The following AGTRAP variants were observed in gnomAD, a reference collection of about 807,000 sequenced individuals.
AGTRAP encodes type-1 angiotensin II receptor-associated protein.
In AGTRAP, 7 loss-of-function variants were observed where a neutral mutation model predicts 15.2. That is an observed-to-expected ratio of 0.46 (90% CI 0.26 to 0.87). AGTRAP has a LOEUF of 0.87. Ranked by LOEUF, AGTRAP falls within the 40% of genes least tolerant of loss-of-function variation. AGTRAP has a pLI of 0.15. For missense variants in AGTRAP, 187 were observed against 213.4 expected (o/e 0.88, Z 0.77); for synonymous variants, 74 against 89.6 (o/e 0.83, Z 0.98).
Position 11,750,402 on chromosome 1 carries a change from C to G in AGTRAP, c.*210C>G, listed in dbSNP as rs1364262185. ...AACTCCCTGAGGCCTCCCCTCCCTT[C>G]AGGGCACCCACTGGTTCCCAGGCTG... On this transcript the variant is annotated 3_prime_UTR_variant, in exon 5 of 5. Transcript: ENST00000314340. The G allele has an allele frequency of 1.6e-6, 1 of 622,300 alleles. No individual in the cohort carries two copies. The highest frequency in any genetic ancestry group is 2.9e-6 in the Non-Finnish European group (1 of 346,226). 38.5% of individuals were successfully genotyped at this position (622,300 alleles called of 1,614,324 possible). A position where few individuals can be genotyped will look rare whatever the true frequency, so the allele number is the denominator to read the frequency against.
chr1:11,749,281 AG>A (rs2100781495), intron 4 of AGTRAP, among the ~76,000 whole-genome samples: 1 of 152,160 alleles, frequency 6.6e-6, no homozygotes, highest in South Asian at 2.1e-4. Context: ...AGAGGAGTGG[AG>A]GGAGGTGGTA....
chr1:11,742,579 G>A lies in AGTRAP; in HGVS notation c.28-3224G>A, dbSNP rs559866739. ...AGGATCTTGCTCTGTCCCCCAGGCT[G>A]TAGTGCAGTGGCATGATCTTGGCTC... is the stretch of plus-strand genomic sequence containing the variant. On this transcript the variant is annotated intron_variant, in intron 1 of 4. Transcript: ENST00000314340. 4.6e-5 allele frequency among the ~76,000 whole-genome samples: 7 copies of A among 151,496 alleles called. No homozygotes were observed. In the East Asian group the frequency reaches 1.2e-3, roughly 25 times the overall value.
Position 11,736,169 on chromosome 1 carries a change from C to T in AGTRAP, c.-40C>T, listed in dbSNP as rs571473443. 36 of 1,587,994 alleles carry T rather than the reference C, an allele frequency of 2.3e-5. No homozygotes were observed. In the South Asian group the frequency reaches 2.5e-4, roughly 11 times the overall value. ...TCCCCGAGTTCGGAGCCTAGGAGCC[C>T]CCCGCGGCTGCGGCGCAGGTGCCCT... On this transcript the variant is annotated 5_prime_UTR_variant, in exon 1 of 5. Transcript: ENST00000314340.
chr1:11,741,075 T>TC (rs148363502), intron 1 of AGTRAP, among the ~76,000 whole-genome samples: 110 of 146,312 alleles, frequency 7.5e-4, no homozygotes, highest in African/African-American at 2.7e-3. Flanking sequence ...TGTCCCTCCC[T>TC]CCTCCACTCC....
intron 2 of AGTRAP, among the ~76,000 whole-genome samples, chr1:11,746,913 G>T (rs118165546): frequency 6.6e-6 from 1 of 152,138 alleles, no homozygotes; most frequent in African/African-American, 2.4e-5. Context: ...ACTTAGCACC[G>T]GTGGGCAAGG....
At chr1:11,736,274 G>C in intron 1 of AGTRAP, 39 bp downstream of exon 1, 2 of 1,597,096 alleles carry the variant, frequency 1.3e-6, no homozygotes, top group East Asian at 4.5e-5. Context: ...TTTGCGGGAG[G>C]AAGTGGGACA....
rs1642144579 is a variant in AGTRAP, at chr1:11,745,715, G to A, written c.28-88G>A. On this transcript the variant is annotated intron_variant, in intron 1 of 4. Transcript: ENST00000314340. This position sits in a 1 kb window ranked among gnomAD's most constrained non-coding sequence, Gnocchi z 4.2. ...GCCCTCAGAGGTGCCAGGCGCAGGGGCGTCCTGTGTTTTCTGCACCCGACG... is the reference window on the plus strand; with the variant it reads ...GCCCTCAGAGGTGCCAGGCGCAGGGACGTCCTGTGTTTTCTGCACCCGACG... 1.4e-6 allele frequency: 2 copies of A among 1,424,870 alleles called. No individual in the cohort carries two copies. Among genetic ancestry groups the A allele is most frequent in the Admixed American group, 1.7e-5 (1 of 59,692 alleles). 88.3% of individuals were successfully genotyped at this position (1,424,870 alleles called of 1,614,324 possible).
At chr1:11,746,700 G>A (rs1344872640) in intron 2 of AGTRAP, 1 of 161,446 alleles carries the variant, frequency 6.2e-6, no homozygotes, top group East Asian at 1.8e-4. Flanking sequence ...TAAAGTGAGG[G>A]TAACAATAAT....
intron 1 of AGTRAP, among the ~76,000 whole-genome samples, chr1:11,740,934 G>A (rs902666336): frequency 5.3e-5 from 8 of 152,070 alleles, no homozygotes; most frequent in Admixed American, 3.9e-4. Context: ...CTGACTCTGC[G>A]GTGTGGCCCT....
At chr1:11,744,217 G>T (rs1642104961) in intron 1 of AGTRAP, among the ~76,000 whole-genome samples, 1 of 152,194 alleles carries the variant, frequency 6.6e-6, no homozygotes, top group Non-Finnish European at 1.5e-5. Context: ...TGAGGCTGCA[G>T]TGAGCTGTGA....
intron 1 of AGTRAP, chr1:11,744,566 C>T (rs1490038568): frequency 2.8e-6 from 2 of 716,824 alleles, no homozygotes; most frequent in Non-Finnish European, 5.2e-6. Context: ...AAATCACCCT[C>T]ACGTGAGTCC....
chr1:11,744,429 C>T (rs542379709), intron 1 of AGTRAP: 48 of 644,534 alleles, frequency 7.4e-5, no homozygotes, highest in Non-Finnish European at 1.2e-4. Flanking sequence ...ATGAAGCCCA[C>T]GCTCCTTCCC....
intron 1 of AGTRAP, among the ~76,000 whole-genome samples, chr1:11,741,195 T>C (rs1182329357): frequency 6.6e-6 from 1 of 150,748 alleles, no homozygotes; most frequent in Non-Finnish European, 1.5e-5. Flanking sequence ...CTCAAAATGC[T>C]CTTCTTCCCC....
At position 11,750,196 on chromosome 1, in the gene AGTRAP, C is replaced by T; in HGVS notation, c.*4C>T. The T allele has an allele frequency of 6.2e-7, 1 of 1,611,120 alleles. No homozygotes were observed. Among genetic ancestry groups the T allele is most frequent in the Non-Finnish European group, 8.5e-7 (1 of 1,178,244 alleles). ...TCAAGATGCCCGAGGGTACTGAAGC[C>T]AGCCACGCTGCGCCCGGCCCTGCCC... On this transcript the variant is annotated 3_prime_UTR_variant, in exon 5 of 5. Coordinates refer to ENST00000314340, the MANE Select transcript of AGTRAP (RefSeq NM_020350.5).
intron 1 of AGTRAP, among the ~76,000 whole-genome samples, chr1:11,741,533 G>A (rs996458411): frequency 2.6e-5 from 4 of 152,160 alleles, no homozygotes; most frequent in African/African-American, 9.7e-5. Context: ...AGCCCCTGGG[G>A]ATTGAAATCC....
At chr1:11,744,400 G>A in intron 1 of AGTRAP, 1 of 562,264 alleles carries the variant, frequency 1.8e-6, no homozygotes, top group Non-Finnish European at 3.3e-6. Flanking sequence ...TCTCAGTGGT[G>A]TCCCTCGTTG....
At position 11,750,059 on chromosome 1, in the gene AGTRAP, A is replaced by G. The variant is rs921401191; in HGVS notation, c.365-18A>G. 1.9e-6 allele frequency: 3 copies of G among 1,600,178 alleles called. No individual in the cohort carries two copies. Among genetic ancestry groups the G allele is most frequent in the East Asian group, 2.2e-5 (1 of 44,786 alleles). ...TCACCCTTCATTTTTCTTTCCCACC[A>G]TGTCCCCTGTCACCTAGGTTTCCTT... On this transcript the variant is annotated intron_variant, in intron 4 of 4. Transcript: ENST00000314340.
At position 11,736,219 on chromosome 1, in the gene AGTRAP, C is replaced by G. The variant is rs764597773; in HGVS notation, c.11C>G (p.Pro4Arg). The G allele has an allele frequency of 1.0e-4, 167 of 1,607,934 alleles. No individual in the cohort carries two copies. Among genetic ancestry groups the G allele is most frequent in the Non-Finnish European group, 1.4e-4 (164 of 1,177,938 alleles). Reference sequence around the variant, plus strand: ...TCGGCCTGAGTCGGGATGGAGCTGCCTGCTGTGAACCTGAAGGTGGCGACG... The same window carrying G: ...TCGGCCTGAGTCGGGATGGAGCTGCGTGCTGTGAACCTGAAGGTGGCGACG... The part of the protein sequence containing the change: MEL[P>R]AVNLKVILLG... Residue 4 changes from proline (P) to arginine (R), a missense_variant, in exon 1 of 5, where the codon CCT becomes CGT. Physicochemically the swap from Pro to Arg is moderately radical, Grantham distance 103. Transcript: ENST00000314340.
In AGTRAP at chr1:11,750,173, A is replaced by G. The variant is rs1393371560; in HGVS notation, c.461A>G (p.Gln154Arg). The change falls in exon 5 of 5, where the codon CAA becomes CGA. Residue 154 changes from glutamine (Q) to arginine (R), a missense_variant. Gln to Arg is a conservative substitution (Grantham distance 43, BLOSUM62 1). Transcript: ENST00000314340. ...TTTGCAGTCCCAGAGGGCAGGAGTC[A>G]AGATGCCCGAGGGTACTGAAGCCAG... ...DPFAVPEGRS[Q>R]DARGY The G allele has an allele frequency of 1.9e-6, 3 of 1,613,640 alleles. No individual in the cohort carries two copies. The East Asian group carries it at 6.7e-5, about 36-fold the overall frequency.
Sources: allele counts gnomAD v4.1 joint callset (sites outside exome capture counted in the v4.1 genomes callset), GRCh38; gene constraint gnomAD v4.1.1; non-coding constraint Gnocchi (gnomAD v3.1); transcripts MANE v1.5; gene names NCBI Gene and HGNC (gene_info 2026-07-23, HGNC 2026-07-21).